Variants in CTNNA3 observed in about 807,000 individuals in gnomAD.
CTNNA3 encodes the protein catenin alpha-3.
CTNNA3 carries 76 observed loss-of-function variants against 95.7 expected under a neutral mutation model. The observed-to-expected ratio is 0.79, with a 90% CI of 0.66 to 0.96. The LOEUF is 0.96. Ranked by LOEUF, CTNNA3 falls within the 40% of genes least tolerant of loss-of-function variation. The pLI is 0.00. For synonymous variants in CTNNA3, 431 were observed against 374.4 expected (o/e 1.15, Z -1.74); for missense variants, 1,191 against 1,089.8 (o/e 1.09, Z -1.31).
intron 3 of CTNNA3, among the ~76,000 whole-genome samples, chr10:67,570,271 CTT>C (rs1841937755): frequency 1.3e-5 from 2 of 151,922 alleles, no homozygotes; most frequent in Admixed American, 1.3e-4. Flanking sequence ...ACTTCTTCCT[CTT>C]GTCTCTTTTT....
intron 9 of CTNNA3, among the ~76,000 whole-genome samples, chr10:66,705,303 G>A (rs1848080538): frequency 6.6e-6 from 1 of 151,824 alleles, no homozygotes; most frequent in Admixed American, 6.6e-5. Context: ...TATTCATATC[G>A]ATCCATATAT....
At chr10:67,093,675 C>G (rs147359330) in intron 7 of CTNNA3, among the ~76,000 whole-genome samples, 7 of 151,798 alleles carry the variant, frequency 4.6e-5, no homozygotes, top group Non-Finnish European at 1.0e-4. Context: ...AAACTCCCCC[C>G]CAACAAAAGA....
intron 7 of CTNNA3, among the ~76,000 whole-genome samples, chr10:67,157,393 C>G (rs1392045415): frequency 6.6e-6 from 1 of 152,086 alleles, no homozygotes; most frequent in African/African-American, 2.4e-5. Context: ...TGAAAAAGGT[C>G]CTGTTTAGTT....
At chr10:67,218,765 T>C (rs1864507659) in intron 6 of CTNNA3, among the ~76,000 whole-genome samples, 2 of 152,216 alleles carry the variant, frequency 1.3e-5, no homozygotes, top group South Asian at 2.1e-4. Context: ...ATGTAAAGTG[T>C]ATAAATGGAA....
intron 10 of CTNNA3, among the ~76,000 whole-genome samples, chr10:66,611,299 C>CA (rs1337104305): frequency 1.1e-4 from 16 of 151,962 alleles, no homozygotes; most frequent in African/African-American, 3.1e-4. Flanking sequence ...GTCTCCAACA[C>CA]AAAAAAGGAT....
chr10:67,431,439 C>T (rs1846108718), intron 5 of CTNNA3, among the ~76,000 whole-genome samples: 2 of 151,982 alleles, frequency 1.3e-5, no homozygotes, highest in African/African-American at 4.8e-5. Flanking sequence ...TTCTAACAAA[C>T]CCCATGAGAT....
At chr10:67,353,357 C>T (rs942970166) in intron 5 of CTNNA3, among the ~76,000 whole-genome samples, 7 of 152,016 alleles carry the variant, frequency 4.6e-5, no homozygotes, top group African/African-American at 1.7e-4. Context: ...TTCAACTTTA[C>T]AGCTGGGCAA....
intron 1 of CTNNA3, among the ~76,000 whole-genome samples, chr10:67,692,738 A>T (rs1211003677): frequency 2.3e-5 from 3 of 131,804 alleles, no homozygotes; most frequent in African/African-American, 8.4e-5. Flanking sequence ...ATGATCAATA[A>T]AAAAAAAAAA....
chr10:67,572,418 T>C (rs1842009841), intron 3 of CTNNA3, among the ~76,000 whole-genome samples: 1 of 152,102 alleles, frequency 6.6e-6, no homozygotes, highest in African/African-American at 2.4e-5. Context: ...CAGCCAGTCA[T>C]TGGTTGATCC....
intron 9 of CTNNA3, among the ~76,000 whole-genome samples, chr10:66,712,883 G>A (rs927119810): frequency 3.9e-5 from 6 of 152,258 alleles, no homozygotes; most frequent in Non-Finnish European, 7.4e-5. Flanking sequence ...AGTAACAACT[G>A]TGGTGAGCAT....
intron 11 of CTNNA3, among the ~76,000 whole-genome samples, chr10:66,451,231 A>G (rs2093461795): frequency 6.6e-6 from 1 of 152,212 alleles, no homozygotes; most frequent in South Asian, 2.1e-4. Context: ...ATGATCACGT[A>G]AGTAGCTATA....
chr10:67,517,561 A>G (rs903066863), intron 5 of CTNNA3, among the ~76,000 whole-genome samples: 1 of 152,154 alleles, frequency 6.6e-6, no homozygotes, highest in Non-Finnish European at 1.5e-5. Context: ...CTAAAAAAGT[A>G]CCATGTGCTG....
intron 5 of CTNNA3, among the ~76,000 whole-genome samples, chr10:67,348,575 G>A (rs182719337): frequency 8.5e-5 from 13 of 152,216 alleles, no homozygotes; most frequent in Non-Finnish European, 1.2e-4. Context: ...GGGGGAGCCT[G>A]CGTTTCACAT....
intron 5 of CTNNA3, among the ~76,000 whole-genome samples, chr10:67,386,654 A>G (rs1046432014): frequency 1.3e-5 from 2 of 152,228 alleles, no homozygotes; most frequent in Non-Finnish European, 2.9e-5. Flanking sequence ...AGATAGAAAA[A>G]GTCTTATACT....
intron 14 of CTNNA3, among the ~76,000 whole-genome samples, chr10:66,091,077 A>G (rs2081193572): frequency 6.6e-6 from 1 of 151,898 alleles, no homozygotes; most frequent in East Asian, 1.9e-4. Context: ...TATTTTTGTT[A>G]ACCAGGGACT....
chr10:66,736,366 T>A (rs1036654442), intron 9 of CTNNA3, among the ~76,000 whole-genome samples: 3 of 151,554 alleles, frequency 2.0e-5, no homozygotes, highest in East Asian at 3.9e-4. Flanking sequence ...TTTTTTTTTT[T>A]AATTTTAGTG....
chr10:66,651,895 G>A (rs1226441988), intron 9 of CTNNA3, among the ~76,000 whole-genome samples: 3 of 151,856 alleles, frequency 2.0e-5, no homozygotes, highest in African/African-American at 7.3e-5. Context: ...CTCCCACAGT[G>A]CAACGGCTAA....
chr10:66,501,371 G>A (rs1017885520), intron 11 of CTNNA3, among the ~76,000 whole-genome samples: 3 of 152,136 alleles, frequency 2.0e-5, no homozygotes, highest in East Asian at 1.9e-4. Flanking sequence ...TTTGTTGATA[G>A]AAAGATAGCC....
intron 11 of CTNNA3, among the ~76,000 whole-genome samples, chr10:66,463,218 C>T (rs2093541327): frequency 6.6e-6 from 1 of 152,110 alleles, no homozygotes; most frequent in Non-Finnish European, 1.5e-5. Flanking sequence ...GGGGCAGAAC[C>T]TTCATGAATG....
Sources: gnomAD v4.1 joint callset for allele counts (sites outside exome capture counted in the v4.1 genomes callset) on GRCh38, gnomAD v4.1.1 for gene constraint, MANE v1.5 for transcripts, NCBI Gene and HGNC (gene_info 2026-07-23, HGNC 2026-07-21) for gene names.